The following SNAP91 variants were observed in gnomAD, a reference collection of about 807,000 sequenced individuals.
SNAP91 encodes synaptosome associated protein 91, also known as clathrin coat assembly protein AP180.
A neutral mutation model predicts 100.3 loss-of-function variants in SNAP91; 27 were observed. The ratio of observed to expected loss-of-function variants is 0.27; its 90% confidence interval spans 0.20 to 0.37. The LOEUF is 0.37. Among genes scored for constraint, SNAP91 ranks in the 10% least tolerant of loss-of-function variants. The pLI is 1.00. For synonymous variants in SNAP91, 404 were observed against 398.6 expected, an observed-to-expected ratio of 1.01 and a Z score of -0.16; for missense variants, 986 against 1,123.7, an observed-to-expected ratio of 0.88 and a Z score of 1.75.
intron 8 of SNAP91, among the ~76,000 whole-genome samples, chr6:83,632,449 G>C (rs1462418270): frequency 1.3e-5 from 2 of 152,018 alleles, no homozygotes; most frequent in East Asian, 3.8e-4. Flanking sequence ...AGCAAGGCTG[G>C]GGAAATTTTC....
rs374667211 is a variant in SNAP91 at position 83,656,739 on chromosome 6, G to A, written c.658+15C>T. ...TATCCCATCAGCCCAGACATGTTTC[G>A]GTTGTTCCACCTACCGAGTAAGTTA... On this transcript the variant is annotated intron_variant, in intron 7 of 29. Transcript: ENST00000369694. 976 of 1,250,504 alleles carry A rather than the reference G, an allele frequency of 7.8e-4. 3 individuals are homozygous for A. Among genetic ancestry groups the A allele is most frequent in the Non-Finnish European group, 1.0e-3 (898 of 865,956 alleles). The allele number at this position is 1,250,504 out of a possible 1,614,324, so 77.5% of individuals were successfully genotyped here.
At chr6:83,660,603 T>G (rs1209723679) in intron 5 of SNAP91, among the ~76,000 whole-genome samples, 1 of 152,170 alleles carries the variant, frequency 6.6e-6, no homozygotes, top group Admixed American at 6.5e-5. Context: ...TAGATAAAAT[T>G]CAAGTGTTTC....
At chr6:83,659,489 A>C (rs1325809075) in intron 5 of SNAP91, among the ~76,000 whole-genome samples, 1 of 144,430 alleles carries the variant, frequency 6.9e-6, no homozygotes, top group African/African-American at 2.6e-5. Context: ...CAATGGCATG[A>C]TCATAGCTCA....
chr6:83,614,886 A>C, intron 10 of SNAP91, 24 bp from the exon 11 acceptor site: 1 of 1,581,808 alleles, frequency 6.3e-7, no homozygotes, highest in Middle Eastern at 1.7e-4. Context: ...GTAAGCACAA[A>C]CATACAAAGA....
At chr6:83,593,316 A>G (rs1254739383) in intron 18 of SNAP91, 57 bp from the exon 19 acceptor site, 1 of 1,534,612 alleles carries the variant, frequency 6.5e-7, no homozygotes, top group Non-Finnish European at 8.8e-7. Context: ...CTGACACAGC[A>G]TCACTTCCCA....
At chr6:83,672,739 C>A (rs77798593) in intron 2 of SNAP91, among the ~76,000 whole-genome samples, 3,801 of 152,246 alleles carry the variant, frequency 0.025, 69 homozygotes, top group Non-Finnish European at 0.039. Context: ...TAGGCCAATT[C>A]TCTCAATAAC....
chr6:83,695,115 T>C (rs1192027266), intron 2 of SNAP91, among the ~76,000 whole-genome samples: 2 of 150,878 alleles, frequency 1.3e-5, no homozygotes, highest in Non-Finnish European at 1.5e-5. Context: ...CTACTAAAAA[T>C]AAAATAAAAT....
intron 7 of SNAP91, 67 bp downstream of exon 7, chr6:83,656,687 C>T (rs2098413637): frequency 3.0e-6 from 2 of 667,682 alleles, no homozygotes; most frequent in Non-Finnish European, 5.1e-6. Flanking sequence ...ACAGACTCAC[C>T]CCACAGAATT....
At chr6:83,560,837 C>T (rs1337459908) in intron 27 of SNAP91, 27 bp downstream of exon 27, 18 of 1,599,238 alleles carry the variant, frequency 1.1e-5, no homozygotes, top group Non-Finnish European at 1.5e-5. Context: ...ATGTTGATTA[C>T]AATTTTTAGC....
rs189943785 is a variant in SNAP91, at chr6:83,667,885, G to C, written c.131-2304C>G. 2.3e-4 allele frequency among the ~76,000 whole-genome samples: 35 copies of C among 152,220 alleles called. No individual in the cohort carries two copies. The East Asian group carries it at 6.6e-3, about 29-fold the overall frequency. On this transcript the variant is annotated intron_variant, in intron 2 of 29. Transcript: ENST00000369694. Reference sequence around the variant, plus strand: ...CAGCAAAAGAAACTACCATCAGAGTGGACAGGCAACCTACAGAATGGGAGA... The same window carrying C: ...CAGCAAAAGAAACTACCATCAGAGTCGACAGGCAACCTACAGAATGGGAGA...
At chr6:83,660,521 A>G (rs2128732688) in intron 5 of SNAP91, among the ~76,000 whole-genome samples, 1 of 151,886 alleles carries the variant, frequency 6.6e-6, no homozygotes, top group South Asian at 2.1e-4. Flanking sequence ...GATATAAGAT[A>G]TGCACAAATG....
At chr6:83,569,580 G>T (rs72901582) in intron 26 of SNAP91, among the ~76,000 whole-genome samples, 2,128 of 152,238 alleles carry the variant, frequency 0.014, 19 homozygotes, top group Non-Finnish European at 0.024. Context: ...TCCCTTCTGG[G>T]TTAGTGGCCT....
At chr6:83,655,664 G>T (rs1562526531) in intron 7 of SNAP91, among the ~76,000 whole-genome samples, 1 of 152,080 alleles carries the variant, frequency 6.6e-6, no homozygotes, top group Non-Finnish European at 1.5e-5. Context: ...ACCTAAAGTG[G>T]GTGTTATCTA....
intron 2 of SNAP91, among the ~76,000 whole-genome samples, chr6:83,697,785 A>C (rs1469899133): frequency 6.6e-6 from 1 of 152,202 alleles, no homozygotes; most frequent in Non-Finnish European, 1.5e-5. Flanking sequence ...TTAAGTAGAA[A>C]GTTTATGAGA....
intron 8 of SNAP91, among the ~76,000 whole-genome samples, chr6:83,630,854 T>A (rs1159686986): frequency 6.6e-6 from 1 of 152,078 alleles, no homozygotes; most frequent in Non-Finnish European, 1.5e-5. Flanking sequence ...TTGCTCTGGA[T>A]CTTGGTTATT....
chr6:83,582,299 T>A lies in SNAP91; in HGVS notation c.2072A>T (p.Asn691Ile). The A allele has an allele frequency of 1.2e-6, 2 of 1,613,634 alleles. No individual in the cohort carries two copies. The highest frequency in any genetic ancestry group is 1.7e-6 in the Non-Finnish European group (2 of 1,179,758). The change falls in exon 23 of 30, where the codon AAC becomes ATC. Residue 691 changes from asparagine to isoleucine, a missense_variant. Asn to Ile is a moderately radical substitution (Grantham distance 149, BLOSUM62 -3). This residue lies in a region of SNAP91 where 575 missense variants were observed against 579.9 expected (regional missense o/e 0.99). Transcript: ENST00000369694. The part of the protein sequence containing the change: ...SPSPVTPAQN[N>I]LLQPNFEAAF... ...TGCCTCAAAATTGGGCTGTAGCAGG[T>A]TATTCTGAGCTGGAGTCACTGGAGA...
At chr6:83,628,528 T>A (rs933962559) in intron 8 of SNAP91, among the ~76,000 whole-genome samples, 18 of 151,652 alleles carry the variant, frequency 1.2e-4, no homozygotes, top group Non-Finnish European at 1.5e-5. Flanking sequence ...CTACTGTTTT[T>A]TTTTTTATTT....
chr6:83,603,166 T>C (rs1379505544), intron 14 of SNAP91, among the ~76,000 whole-genome samples: 5 of 152,178 alleles, frequency 3.3e-5, no homozygotes, highest in Non-Finnish European at 5.9e-5. Flanking sequence ...TCTTAGTTTT[T>C]ATTGTAAAAT....
At chr6:83,665,371 A>T (rs972606434) in intron 3 of SNAP91, 68 bp downstream of exon 3, 2 of 1,475,718 alleles carry the variant, frequency 1.4e-6, no homozygotes, top group Non-Finnish European at 1.8e-6. Flanking sequence ...AAGAGCCTTA[A>T]ATCATCACCA....
Sources: allele counts gnomAD v4.1 joint callset (sites outside exome capture counted in the v4.1 genomes callset), GRCh38; gene constraint gnomAD v4.1.1; regional missense constraint gnomAD v4.1.1; transcripts MANE v1.5; gene names NCBI Gene and HGNC (gene_info 2026-07-23, HGNC 2026-07-21).